Variants in GRID2 observed in about 807,000 individuals in gnomAD.
The protein encoded by GRID2 is glutamate receptor ionotropic, delta-2.
In GRID2, 33 loss-of-function variants were observed where a neutral mutation model predicts 114.8. That is an observed-to-expected ratio of 0.29 (90% CI 0.22 to 0.38). The LOEUF (loss-of-function observed/expected upper bound fraction) is 0.38, where lower values mean the gene tolerates loss of function less well. Ranked by LOEUF, GRID2 falls within the 10% of genes least tolerant of loss-of-function variation. The probability of loss-of-function intolerance (pLI) is 1.00; values close to 1 mark genes in which losing one functional copy is unlikely to be tolerated. For missense variants in GRID2, 1,184 were observed against 1,257.7 expected (o/e 0.94, Z 0.89); for synonymous variants, 505 against 449.9 (o/e 1.12, Z -1.55).
chr4:93,569,195 G>A (rs950497466), intron 13 of GRID2, among the ~76,000 whole-genome samples: 1 of 152,048 alleles, frequency 6.6e-6, no homozygotes, highest in African/African-American at 2.4e-5. Flanking sequence ...CTGTCTTCTG[G>A]ACTATGCCTA....
At chr4:93,637,776 T>A (rs1721545467) in intron 14 of GRID2, among the ~76,000 whole-genome samples, 1 of 152,140 alleles carries the variant, frequency 6.6e-6, no homozygotes, top group South Asian at 2.1e-4. Flanking sequence ...AGTTTAAGAC[T>A]CTACTTAATC....
intron 2 of GRID2, among the ~76,000 whole-genome samples, chr4:92,854,911 C>A (rs1260735191): frequency 6.6e-6 from 1 of 151,954 alleles, no homozygotes; most frequent in Admixed American, 6.6e-5. Flanking sequence ...GCTCTTACTT[C>A]AAAATATCCA....
intron 4 of GRID2, among the ~76,000 whole-genome samples, chr4:93,121,937 G>A (rs1438539914): frequency 2.0e-5 from 3 of 152,066 alleles, no homozygotes; most frequent in Non-Finnish European, 4.4e-5. Context: ...TTTATGGAGT[G>A]CCTGTTGAAG....
At chr4:93,065,063 A>C (rs1728179509) in intron 2 of GRID2, among the ~76,000 whole-genome samples, 1 of 151,882 alleles carries the variant, frequency 6.6e-6, no homozygotes, top group Admixed American at 6.6e-5. Flanking sequence ...AATACAAAGT[A>C]AAAACGGGGG....
intron 1 of GRID2, among the ~76,000 whole-genome samples, chr4:92,372,780 C>A (rs1030384826): frequency 6.6e-6 from 1 of 151,912 alleles, no homozygotes; most frequent in South Asian, 2.1e-4. Flanking sequence ...AGTTACTATG[C>A]CCATTTGTAC....
chr4:92,454,678 TA>T (rs1244209883), intron 1 of GRID2, among the ~76,000 whole-genome samples: 1 of 152,024 alleles, frequency 6.6e-6, no homozygotes, highest in Non-Finnish European at 1.5e-5. Flanking sequence ...CTACCAAAAA[TA>T]CAAAATATTA....
intron 9 of GRID2, among the ~76,000 whole-genome samples, chr4:93,408,108 G>A (rs1320293454): frequency 1.3e-5 from 2 of 152,072 alleles, no homozygotes; most frequent in African/African-American, 4.8e-5. Flanking sequence ...GTCTACTGGG[G>A]AATAAAGAAG....
At chr4:93,395,893 C>A (rs933363382) in intron 9 of GRID2, among the ~76,000 whole-genome samples, 185 bp downstream of exon 9, 3 of 151,892 alleles carry the variant, frequency 2.0e-5, no homozygotes, top group Non-Finnish European at 4.4e-5. Flanking sequence ...CACAGTTTTG[C>A]AGACTTTTAA....
intron 4 of GRID2, among the ~76,000 whole-genome samples, chr4:93,195,925 T>C (rs1741444308): frequency 2.0e-5 from 3 of 152,206 alleles, no homozygotes; most frequent in Admixed American, 2.0e-4. Context: ...TTGCTTTATG[T>C]GATCACAAAT....
intron 14 of GRID2, among the ~76,000 whole-genome samples, chr4:93,751,604 G>A (rs192644788): frequency 5.1e-4 from 78 of 152,288 alleles, no homozygotes; most frequent in African/African-American, 1.8e-3. Context: ...TACAGTGACA[G>A]GGCCTTCCGT....
chr4:92,922,824 T>C (rs927742177), intron 2 of GRID2, among the ~76,000 whole-genome samples: 6 of 152,176 alleles, frequency 3.9e-5, no homozygotes, highest in African/African-American at 1.4e-4. Flanking sequence ...TTGATTTCAT[T>C]CAAAACATCA....
intron 2 of GRID2, among the ~76,000 whole-genome samples, chr4:93,077,321 G>A (rs1267578180): frequency 6.6e-6 from 1 of 152,132 alleles, no homozygotes; most frequent in East Asian, 1.9e-4. Flanking sequence ...CAGTAACTGA[G>A]AAAGCAATGT....
At chr4:93,363,378 G>A (rs967183430) in intron 8 of GRID2, among the ~76,000 whole-genome samples, 11 of 152,166 alleles carry the variant, frequency 7.2e-5, no homozygotes, top group East Asian at 1.9e-4. Flanking sequence ...CCCAGCCCTC[G>A]ATGTGGTTAA....
intron 10 of GRID2, among the ~76,000 whole-genome samples, chr4:93,438,993 C>A (rs931708284): frequency 3.9e-5 from 6 of 152,072 alleles, no homozygotes; most frequent in Non-Finnish European, 8.8e-5. Context: ...TCATTCATGT[C>A]CCTACAAAGG....
chr4:93,727,607 A>G (rs1730054233), intron 14 of GRID2, among the ~76,000 whole-genome samples: 1 of 152,126 alleles, frequency 6.6e-6, no homozygotes, highest in Admixed American at 6.5e-5. Flanking sequence ...CTGTGAATCC[A>G]TCTGGTCCTG....
At chr4:93,448,829 CCCTTCCCTTCCCTTCCCTT>C (rs1722361066) in intron 10 of GRID2, among the ~76,000 whole-genome samples, 3 of 12,470 alleles carry the variant, frequency 2.4e-4, no homozygotes, top group African/African-American at 1.1e-3. Context: ...CCCTTCCCTT[CCCTTCCCTTCCCTTCCCTT>C]CCCTTCCCTT....
Position 92,467,328 on chromosome 4 carries a change from A to G in GRID2, c.89-122803A>G, listed in dbSNP as rs549292129. Among the ~76,000 whole-genome samples, 7 of 152,058 alleles carry G rather than the reference A, an allele frequency of 4.6e-5. No homozygotes were observed. The East Asian group carries it at 1.2e-3, about 25-fold the overall frequency. ...CTTATATATTATGTATTATTACAAA[A>G]TGTTTATAAACACGTTATAATTTTC... On this transcript the variant is annotated intron_variant, in intron 1 of 15. Transcript: ENST00000282020.
intron 1 of GRID2, among the ~76,000 whole-genome samples, chr4:92,445,059 C>G (rs919567267): frequency 6.6e-6 from 1 of 152,018 alleles, no homozygotes; most frequent in African/African-American, 2.4e-5. Context: ...GTCATGATCA[C>G]TCATCATCTA....
intron 12 of GRID2, among the ~76,000 whole-genome samples, chr4:93,493,357 A>G (rs761946178): frequency 6.6e-6 from 1 of 151,818 alleles, no homozygotes; most frequent in Admixed American, 6.6e-5. Context: ...TATTACAAAT[A>G]TCATCTCATT....
Sources: gnomAD v4.1 joint callset for allele counts (sites outside exome capture counted in the v4.1 genomes callset) on GRCh38, gnomAD v4.1.1 for gene constraint, MANE v1.5 for transcripts, NCBI Gene and HGNC (gene_info 2026-07-23, HGNC 2026-07-21) for gene names.